Variants in GULP1 observed in about 807,000 individuals in gnomAD.
The protein encoded by GULP1 is GULP PTB domain containing engulfment adaptor 1.
A neutral mutation model predicts 40.9 loss-of-function variants in GULP1; 19 were observed. The ratio of observed to expected loss-of-function variants is 0.46; its 90% confidence interval spans 0.32 to 0.68. The LOEUF is 0.68. Ranked by LOEUF, GULP1 falls within the 30% of genes least tolerant of loss-of-function variation. The probability of loss-of-function intolerance (pLI) is 0.03; values close to 1 mark genes in which losing one functional copy is unlikely to be tolerated. For missense variants in GULP1, 312 were observed against 362.2 expected, an observed-to-expected ratio of 0.86 and a Z score of 1.12; for synonymous variants, 119 against 117.6, an observed-to-expected ratio of 1.01 and a Z score of -0.08.
intron 1 of GULP1, among the ~76,000 whole-genome samples, chr2:188,364,781 T>TATATAC (rs1396246604): frequency 6.9e-6 from 1 of 144,296 alleles, no homozygotes; most frequent in East Asian, 2.0e-4. Context: ...ATACATGATA[T>TATATAC]ATATACATAT....
intron 2 of GULP1, among the ~76,000 whole-genome samples, chr2:188,409,636 C>T (rs2053605062): frequency 6.6e-6 from 1 of 152,026 alleles, no homozygotes; most frequent in Admixed American, 6.5e-5. Context: ...AATACCAAAG[C>T]CAGACAAAGT....
At chr2:188,323,539 A>G (rs1394707383) in intron 1 of GULP1, among the ~76,000 whole-genome samples, 1 of 151,824 alleles carries the variant, frequency 6.6e-6, no homozygotes, top group Non-Finnish European at 1.5e-5. Flanking sequence ...AGAATCCTCA[A>G]TTTTTTTGCT....
intron 2 of GULP1, among the ~76,000 whole-genome samples, chr2:188,431,658 C>A (rs2056889837): frequency 6.6e-6 from 1 of 151,960 alleles, no homozygotes; most frequent in African/African-American, 2.4e-5. Context: ...TAGAAAATAT[C>A]TTTTATTAAT....
chr2:188,586,816 A>G (rs1326106336), intron 10 of GULP1, among the ~76,000 whole-genome samples: 1 of 152,090 alleles, frequency 6.6e-6, no homozygotes, highest in Non-Finnish European at 1.5e-5. Flanking sequence ...TGAGAATCAC[A>G]GAGTGATTTT....
intron 2 of GULP1, among the ~76,000 whole-genome samples, chr2:188,455,351 ATCTCATCTTGAG>A (rs2059169680): frequency 6.6e-6 from 1 of 152,126 alleles, no homozygotes; most frequent in Admixed American, 6.5e-5. Flanking sequence ...CCCCACCCAA[ATCTCATCTTGAG>A]TTGTAACTCC....
In GULP1 at chr2:188,570,112, G is replaced by C; in HGVS notation, c.601G>C (p.Ala201Pro). 1 of 1,352,302 alleles carries C rather than the reference G, an allele frequency of 7.4e-7. No individual in the cohort carries two copies. The highest frequency in any genetic ancestry group is 1.8e-4 in the Middle Eastern group (1 of 5,516). 83.8% of individuals were successfully genotyped at this position (1,352,302 alleles called of 1,614,324 possible). The change falls in exon 9 of 12, where the codon GCA becomes CCA. Residue 201 changes from alanine to proline, a missense_variant. Physicochemically the swap from Ala to Pro is conservative, Grantham distance 27 (BLOSUM62 -1). Transcript: ENST00000409830. ...CCAACTGAGAATAACTCAAGTATCAGCACCTCCAGTGAGTATATTGAATAT... is the reference window on the plus strand; with the variant it reads ...CCAACTGAGAATAACTCAAGTATCACCACCTCCAGTGAGTATATTGAATAT... ...ENQLRITQVS[A>P]PPAGSMTPKS...
intron 9 of GULP1, among the ~76,000 whole-genome samples, chr2:188,574,508 C>A (rs899154380): frequency 6.6e-6 from 1 of 152,054 alleles, no homozygotes; most frequent in Non-Finnish European, 1.5e-5. Context: ...CCTGTAGTCT[C>A]AGCTACTTGG....
chr2:188,388,346 T>C (rs1574932313), intron 2 of GULP1, among the ~76,000 whole-genome samples: 1 of 135,346 alleles, frequency 7.4e-6, no homozygotes, highest in Non-Finnish European at 1.5e-5. Context: ...CTGGAAAACA[T>C]AGTGAGAGCC....
chr2:188,395,877 CAT>C (rs1392874589), intron 2 of GULP1, among the ~76,000 whole-genome samples: 5 of 152,122 alleles, frequency 3.3e-5, no homozygotes, highest in Non-Finnish European at 5.9e-5. Context: ...AGGGGGGTAA[CAT>C]AGCCTCTGTG....
rs11541162 is a variant in GULP1 at position 188,292,103 on chromosome 2, C to G, written c.-235C>G. On this transcript the variant is annotated 5_prime_UTR_variant, in exon 1 of 12. Transcript: ENST00000409830. This position sits in a 1 kb window ranked among gnomAD's most constrained non-coding sequence, Gnocchi z 4.0. ...GTGCCGGAGTGGAGATCGCCAGGCT[C>G]GGAGGAACCGGCAGCTCTCCACGCC... 1 of 152,334 alleles carries G rather than the reference C, an allele frequency of 6.6e-6. No homozygotes were observed. Among genetic ancestry groups the G allele is most frequent in the Admixed American group, 6.5e-5 (1 of 15,286 alleles). The allele number at this position is 152,334 out of a possible 1,614,324, so 9.4% of individuals were successfully genotyped here. A position where few individuals can be genotyped will look rare whatever the true frequency, so the allele number is the denominator to read the frequency against.
chr2:188,362,147 CTG>C (rs1013661118), intron 1 of GULP1, among the ~76,000 whole-genome samples: 1 of 152,038 alleles, frequency 6.6e-6, no homozygotes, highest in Non-Finnish European at 1.5e-5. Context: ...AATGGTGAAA[CTG>C]TGTCTATCTC....
Position 188,576,118 on chromosome 2 carries a change from G to GT in GULP1, c.609+5998_609+5999insT, listed in dbSNP as rs1364978317. Among the ~76,000 whole-genome samples the GT allele has an allele frequency of 4.6e-5, 7 of 152,156 alleles. No homozygotes were observed. The East Asian group carries it at 7.7e-4, about 17-fold the overall frequency. ...TGACTTAGGAGTAGTGAGTGGTAAA[G>GT]AATCAATATTTCACTTTTGCCTACG... On this transcript the variant is annotated intron_variant, in intron 9 of 11. Coordinates refer to ENST00000409830, the MANE Select transcript of GULP1 (RefSeq NM_016315.4).
intron 5 of GULP1, among the ~76,000 whole-genome samples, chr2:188,527,358 A>T (rs1343491509): frequency 1.3e-5 from 2 of 152,192 alleles, no homozygotes; most frequent in African/African-American, 4.8e-5. Context: ...TCTGCAGCTG[A>T]TAATGAGAGT....
At chr2:188,401,186 T>C (rs2052233044) in intron 2 of GULP1, among the ~76,000 whole-genome samples, 1 of 152,004 alleles carries the variant, frequency 6.6e-6, no homozygotes, top group Non-Finnish European at 1.5e-5. Flanking sequence ...CTATAGCCAA[T>C]AAAGGAGTAT....
intron 2 of GULP1, among the ~76,000 whole-genome samples, chr2:188,418,024 G>T (rs1297293879): frequency 6.6e-6 from 1 of 151,472 alleles, no homozygotes; most frequent in South Asian, 2.1e-4. Flanking sequence ...ATGTTATCTG[G>T]CCACGTCTCA....
chr2:188,368,056 TTC>T (rs1279180284), intron 1 of GULP1, among the ~76,000 whole-genome samples: 1 of 152,228 alleles, frequency 6.6e-6, no homozygotes, highest in African/African-American at 2.4e-5. Flanking sequence ...TCTTTCAATC[TTC>T]TCTTTCTCTT....
At chr2:188,565,598 A>G (rs72896883) in intron 7 of GULP1, among the ~76,000 whole-genome samples, 2,033 of 152,146 alleles carry the variant, frequency 0.013, 21 homozygotes, top group Non-Finnish European at 0.02. Context: ...GAAATGCAAA[A>G]TTATATTATT....
At chr2:188,547,021 CTGA>C (rs1692142551) in intron 7 of GULP1, among the ~76,000 whole-genome samples, 1 of 151,552 alleles carries the variant, frequency 6.6e-6, no homozygotes. Context: ...TTTTAATAGC[CTGA>C]TAACTATAAA....
chr2:188,587,684 G>C (rs1702679880), intron 10 of GULP1, among the ~76,000 whole-genome samples, 171 bp from the exon 11 acceptor site: 1 of 151,982 alleles, frequency 6.6e-6, no homozygotes, highest in Non-Finnish European at 1.5e-5. Context: ...TTTCTTCCTT[G>C]TTAATGTTTA....
Sources: allele counts gnomAD v4.1 joint callset (sites outside exome capture counted in the v4.1 genomes callset), GRCh38; gene constraint gnomAD v4.1.1; non-coding constraint Gnocchi (gnomAD v3.1); transcripts MANE v1.5; gene names NCBI Gene and HGNC (gene_info 2026-07-23, HGNC 2026-07-21).